Variants in PCOLCE2 observed in about 807,000 individuals in gnomAD.
PCOLCE2 encodes procollagen C-endopeptidase enhancer 2, also known as procollagen C-proteinase enhancer 2.
A neutral mutation model predicts 47.0 loss-of-function variants in PCOLCE2; 42 were observed. The ratio of observed to expected loss-of-function variants is 0.89; its 90% CI spans 0.70 to 1.16. PCOLCE2 has a LOEUF of 1.16. Among genes scored for constraint, PCOLCE2 ranks in the 50% most tolerant of loss-of-function variants. The pLI, the probability that PCOLCE2 is intolerant of heterozygous loss-of-function variation, is 0.00. For missense variants in PCOLCE2, 500 were observed against 526.1 expected (o/e 0.95, Z 0.49); for synonymous variants, 169 against 191.7 (o/e 0.88, Z 0.98).
intron 2 of PCOLCE2, among the ~76,000 whole-genome samples, chr3:142,869,838 T>C (rs1004358571): frequency 2.0e-5 from 3 of 152,200 alleles, no homozygotes; most frequent in Non-Finnish European, 4.4e-5. Flanking sequence ...CTCCCTAAAA[T>C]GCATAAAACC....
At chr3:142,870,172 G>A (rs1182067305) in intron 2 of PCOLCE2, among the ~76,000 whole-genome samples, 3 of 152,126 alleles carry the variant, frequency 2.0e-5, no homozygotes, top group East Asian at 1.9e-4. Context: ...GGCTGTCAAC[G>A]GTGGCAGCAA....
chr3:142,864,787 T>C (rs1259645203), intron 2 of PCOLCE2, among the ~76,000 whole-genome samples: 1 of 152,250 alleles, frequency 6.6e-6, no homozygotes, highest in African/African-American at 2.4e-5. Flanking sequence ...ATCTGGCTTC[T>C]TTCACTTAGC....
At chr3:142,841,102 C>G (rs1476812000) in intron 4 of PCOLCE2, among the ~76,000 whole-genome samples, 3 of 147,170 alleles carry the variant, frequency 2.0e-5, no homozygotes, top group Non-Finnish European at 4.5e-5. Flanking sequence ...AAATTAGTCA[C>G]AAAAACTTTT....
chr3:142,836,912 A>G (rs890379251), intron 5 of PCOLCE2, among the ~76,000 whole-genome samples: 1 of 152,214 alleles, frequency 6.6e-6, no homozygotes, highest in Non-Finnish European at 1.5e-5. Context: ...TGTAGTCCCC[A>G]ACAATGTCCA....
chr3:142,880,916 T>C (rs1046386367), intron 2 of PCOLCE2, among the ~76,000 whole-genome samples: 20 of 152,340 alleles, frequency 1.3e-4, no homozygotes, highest in African/African-American at 4.8e-4. Flanking sequence ...GAAGCAATAA[T>C]TATTTTTATC....
intron 2 of PCOLCE2, among the ~76,000 whole-genome samples, chr3:142,875,438 T>A (rs1377107382): frequency 1.3e-5 from 2 of 152,248 alleles, no homozygotes; most frequent in East Asian, 3.9e-4. Context: ...ACCTAAATTA[T>A]CACATGATCC....
chr3:142,832,660 C>T (rs1311842010), intron 5 of PCOLCE2, among the ~76,000 whole-genome samples: 1 of 152,156 alleles, frequency 6.6e-6, no homozygotes, highest in African/African-American at 2.4e-5. Context: ...ATTCTGTTCC[C>T]TCCCAGTACT....
chr3:142,836,677 A>G (rs1403375644), intron 5 of PCOLCE2, among the ~76,000 whole-genome samples: 2 of 152,202 alleles, frequency 1.3e-5, no homozygotes, highest in African/African-American at 4.8e-5. Context: ...AAGAGGAGAG[A>G]CATGGAAGAA....
chr3:142,883,711 A>AC (rs1320660132), intron 2 of PCOLCE2, among the ~76,000 whole-genome samples: 3 of 152,154 alleles, frequency 2.0e-5, no homozygotes, highest in South Asian at 2.1e-4. Context: ...AAAAAAAAAA[A>AC]AACACATATT....
intron 6 of PCOLCE2, among the ~76,000 whole-genome samples, chr3:142,829,468 A>G (rs1310832220): frequency 6.6e-6 from 1 of 152,144 alleles, no homozygotes; most frequent in Non-Finnish European, 1.5e-5. Context: ...TCATTGTTCA[A>G]TGGTCATAAT....
At chr3:142,828,469 T>C (rs902853002) in intron 6 of PCOLCE2, among the ~76,000 whole-genome samples, 5 of 152,146 alleles carry the variant, frequency 3.3e-5, no homozygotes, top group African/African-American at 1.2e-4. Flanking sequence ...ACTATAAATT[T>C]AATGGGAGAA....
chr3:142,878,884 A>G (rs1330338253), intron 2 of PCOLCE2, among the ~76,000 whole-genome samples: 2 of 152,142 alleles, frequency 1.3e-5, no homozygotes, highest in Non-Finnish European at 2.9e-5. Flanking sequence ...ACTTCTTAGA[A>G]TTAGGAGCCC....
intron 2 of PCOLCE2, among the ~76,000 whole-genome samples, chr3:142,878,070 T>G (rs1256281490): frequency 6.6e-6 from 1 of 152,186 alleles, no homozygotes; most frequent in Non-Finnish European, 1.5e-5. Flanking sequence ...TTCCCTGTGC[T>G]TTTCTTCTTG....
chr3:142,878,161 A>T (rs1175426660), intron 2 of PCOLCE2, among the ~76,000 whole-genome samples: 1 of 152,018 alleles, frequency 6.6e-6, no homozygotes, highest in Non-Finnish European at 1.5e-5. Context: ...CTATTTTATT[A>T]TATGCAGTAC....
intron 2 of PCOLCE2, chr3:142,864,087 C>G (rs528310470): frequency 1.3e-5 from 2 of 152,114 alleles, no homozygotes; most frequent in Non-Finnish European, 2.9e-5. Flanking sequence ...GTCCAGACTG[C>G]GTGAAACTGG....
rs769061409 is a variant in PCOLCE2 at position 142,848,399 on chromosome 3, T to C, written c.266A>G (p.Asp89Gly). The C allele has an allele frequency of 6.2e-7, 1 of 1,614,000 alleles. No homozygotes were observed. Among genetic ancestry groups the C allele is most frequent in the East Asian group, 2.2e-5 (1 of 44,876 alleles). The part of the protein sequence containing the change: ...DLESDNLCRY[D>G]FVDVYNGHAN... ...ATGGCCATTGTACACATCCACAAAG[T>C]CATAGCGGCACAGGTTGTCACTCTC... Residue 89 changes from aspartate (D) to glycine (G), a missense_variant, in exon 3 of 9, where the codon GAC becomes GGC. Asp to Gly is a moderately conservative substitution (Grantham distance 94). Transcript: ENST00000295992.
chr3:142,882,589 A>ATTATTTTTTTTTTTTTTTT (rs1188049251), intron 2 of PCOLCE2, among the ~76,000 whole-genome samples: 2 of 151,642 alleles, frequency 1.3e-5, no homozygotes, highest in African/African-American at 4.9e-5. Context: ...TTATTATTAT[A>ATTATTTTTTTTTTTTTTTT]CTTTAGAGAA....
chr3:142,819,882 C>G (rs1026503130), intron 8 of PCOLCE2, among the ~76,000 whole-genome samples: 2 of 152,058 alleles, frequency 1.3e-5, no homozygotes, highest in African/African-American at 2.4e-5. Flanking sequence ...CAGGCTGAAG[C>G]AATCCTCCCA....
At chr3:142,832,170 C>T (rs906851247) in intron 5 of PCOLCE2, among the ~76,000 whole-genome samples, 10 of 152,124 alleles carry the variant, frequency 6.6e-5, no homozygotes, top group African/African-American at 1.2e-4. Flanking sequence ...TTTTTGCCTC[C>T]TAAGTATTTC....
Sources: gnomAD v4.1 joint callset for allele counts (sites outside exome capture counted in the v4.1 genomes callset) on GRCh38, gnomAD v4.1.1 for gene constraint, MANE v1.5 for transcripts, NCBI Gene and HGNC (gene_info 2026-07-23, HGNC 2026-07-21) for gene names.